The following AGBL4 variants were observed in gnomAD, a reference collection of about 807,000 sequenced individuals.
AGBL4 encodes the protein cytosolic carboxypeptidase 6.
Under a neutral mutation model 66.4 loss-of-function variants are expected in AGBL4, and 58 were observed. That is an observed-to-expected ratio of 0.87 (90% CI 0.71 to 1.09). The LOEUF (loss-of-function observed/expected upper bound fraction) is 1.09, where lower values mean the gene tolerates loss of function less well. Ranked by LOEUF, AGBL4 falls within the 50% of genes least tolerant of loss-of-function variation. The pLI is 0.00. For synonymous variants in AGBL4, 234 were observed against 222.9 expected, an observed-to-expected ratio of 1.05 and a Z score of -0.44; for missense variants, 579 against 631.0, an observed-to-expected ratio of 0.92 and a Z score of 0.88.
At chr1:49,951,353 C>T (rs182842542) in intron 1 of AGBL4, among the ~76,000 whole-genome samples, 104 of 151,926 alleles carry the variant, frequency 6.8e-4, no homozygotes, top group African/African-American at 2.4e-3. Context: ...AGGGTTCTCA[C>T]ACATGTGTGC....
At chr1:48,749,609 C>A (rs549841672) in intron 6 of AGBL4, among the ~76,000 whole-genome samples, 1 of 152,282 alleles carries the variant, frequency 6.6e-6, no homozygotes, top group East Asian at 1.9e-4. Flanking sequence ...TCTGTGGGAC[C>A]CTCAGCTCAT....
intron 3 of AGBL4, among the ~76,000 whole-genome samples, chr1:49,503,618 A>G (rs1648402054): frequency 6.6e-6 from 1 of 152,184 alleles, no homozygotes; most frequent in South Asian, 2.1e-4. Context: ...GTGGGAGCCC[A>G]CCTCTTGAAT....
chr1:48,712,684 A>G (rs1646987262), intron 6 of AGBL4, among the ~76,000 whole-genome samples: 1 of 152,144 alleles, frequency 6.6e-6, no homozygotes, highest in Non-Finnish European at 1.5e-5. Flanking sequence ...CCTGGCCTAG[A>G]GGAGGCGTGT....
chr1:49,437,692 G>A (rs1039470156), intron 3 of AGBL4, among the ~76,000 whole-genome samples: 2 of 152,078 alleles, frequency 1.3e-5, no homozygotes, highest in African/African-American at 4.8e-5. Context: ...TTGGAGGAAA[G>A]GCAACTTTAA....
At chr1:49,122,921 T>C (rs2148049282) in intron 4 of AGBL4, among the ~76,000 whole-genome samples, 1 of 152,306 alleles carries the variant, frequency 6.6e-6, no homozygotes, top group African/African-American at 2.4e-5. Context: ...TGGTGCGATC[T>C]CGGCTCACTG....
At chr1:48,905,496 C>G (rs1275917473) in intron 5 of AGBL4, among the ~76,000 whole-genome samples, 1 of 152,136 alleles carries the variant, frequency 6.6e-6, no homozygotes, top group Non-Finnish European at 1.5e-5. Context: ...ATCCATGTTT[C>G]TCATATAGAA....
rs145684163 is a variant in AGBL4 at position 49,568,098 on chromosome 1, T to C, written c.282+129215A>G. Among the ~76,000 whole-genome samples the C allele has an allele frequency of 3.7e-3, 559 of 152,250 alleles. 4 individuals are homozygous for C. The highest frequency in any genetic ancestry group is 0.013 in the African/African-American group (549 of 41,554). On this transcript the variant is annotated intron_variant, in intron 3 of 13. Transcript: ENST00000371839. Reference sequence around the variant, plus strand: ...CTCATCCCTCCTGTTAGTATTGGAATACCTCTCATTCCCCCTAGATAGTAT... The same window carrying C: ...CTCATCCCTCCTGTTAGTATTGGAACACCTCTCATTCCCCCTAGATAGTAT...
intron 6 of AGBL4, among the ~76,000 whole-genome samples, chr1:48,735,825 G>GTTCAAGAT (rs1389697766): frequency 6.6e-6 from 1 of 151,682 alleles, no homozygotes; most frequent in African/African-American, 2.4e-5. Context: ...CCATGCCTTT[G>GTTCAAGAT]TTCAAGATGC....
At chr1:48,854,211 T>C (rs572034600) in intron 6 of AGBL4, among the ~76,000 whole-genome samples, 1 of 152,286 alleles carries the variant, frequency 6.6e-6, no homozygotes, top group East Asian at 1.9e-4. Flanking sequence ...GGAACCCAGG[T>C]CTACCTGGTT....
chr1:48,582,382 A>G (rs1222168124), intron 11 of AGBL4, among the ~76,000 whole-genome samples: 1 of 152,202 alleles, frequency 6.6e-6, no homozygotes, highest in East Asian at 1.9e-4. Flanking sequence ...GCTGGAAGGA[A>G]CTAGAATAGT....
At chr1:49,534,749 T>C (rs1463563394) in intron 3 of AGBL4, among the ~76,000 whole-genome samples, 1 of 152,186 alleles carries the variant, frequency 6.6e-6, no homozygotes, top group Non-Finnish European at 1.5e-5. Context: ...TGTAAGAATC[T>C]CCATCTAATC....
At chr1:49,541,427 G>A (rs1341433717) in intron 3 of AGBL4, among the ~76,000 whole-genome samples, 1 of 152,216 alleles carries the variant, frequency 6.6e-6, no homozygotes, top group East Asian at 1.9e-4. Flanking sequence ...TGCACTAGGA[G>A]CAGTCAGCAG....
At chr1:49,316,717 A>G (rs989538304) in intron 3 of AGBL4, among the ~76,000 whole-genome samples, 1 of 151,884 alleles carries the variant, frequency 6.6e-6, no homozygotes, top group Non-Finnish European at 1.5e-5. Flanking sequence ...AGGGCATTTT[A>G]TTTACATGTC....
chr1:48,867,756 A>G (rs1047144082), intron 5 of AGBL4, among the ~76,000 whole-genome samples: 2 of 152,166 alleles, frequency 1.3e-5, no homozygotes, highest in African/African-American at 2.4e-5. Context: ...TACTATAACA[A>G]TTTCAATTAG....
At chr1:50,000,925 G>T (rs1327622702) in intron 1 of AGBL4, among the ~76,000 whole-genome samples, 1 of 151,930 alleles carries the variant, frequency 6.6e-6, no homozygotes, top group Admixed American at 6.6e-5. Context: ...TGGGAGGAGG[G>T]TAAGGGATAA....
chr1:48,756,182 G>A (rs534126734), intron 6 of AGBL4, among the ~76,000 whole-genome samples: 6 of 152,180 alleles, frequency 3.9e-5, no homozygotes, highest in Non-Finnish European at 8.8e-5. Flanking sequence ...CATGCTCTTT[G>A]CCTAAATTGC....
At chr1:49,458,736 G>A (rs1403681313) in intron 3 of AGBL4, among the ~76,000 whole-genome samples, 2 of 151,234 alleles carry the variant, frequency 1.3e-5, no homozygotes, top group South Asian at 2.1e-4. Flanking sequence ...TTTCTATATC[G>A]ATTTTGTTGA....
intron 9 of AGBL4, among the ~76,000 whole-genome samples, chr1:48,622,633 A>G (rs1213863502): frequency 6.6e-6 from 1 of 151,656 alleles, no homozygotes; most frequent in Non-Finnish European, 1.5e-5. Context: ...ACAGGCACCC[A>G]CCACCATGCC....
At chr1:49,118,068 T>C (rs1343598653) in intron 4 of AGBL4, among the ~76,000 whole-genome samples, 2 of 152,248 alleles carry the variant, frequency 1.3e-5, no homozygotes, top group African/African-American at 4.8e-5. Context: ...ATGGATTTTG[T>C]ATCATGAGAC....
Sources: allele counts gnomAD v4.1 joint callset (sites outside exome capture counted in the v4.1 genomes callset), GRCh38; gene constraint gnomAD v4.1.1; transcripts MANE v1.5; gene names NCBI Gene and HGNC (gene_info 2026-07-23, HGNC 2026-07-21).